Variants in GRIK4 observed in about 807,000 individuals in gnomAD.
The protein encoded by GRIK4 is glutamate ionotropic receptor kainate type subunit 4, also known as glutamate receptor ionotropic, kainate 4.
In GRIK4, 40 loss-of-function variants were observed where a neutral mutation model predicts 104.9. That is an observed-to-expected ratio of 0.38 (90% confidence interval 0.30 to 0.50). The LOEUF (loss-of-function observed/expected upper bound fraction) is 0.50, where lower values mean the gene tolerates loss of function less well. GRIK4 is among the 20% of genes least tolerant of loss of function. GRIK4 has a pLI of 0.93. For synonymous variants in GRIK4, 485 were observed against 524.9 expected (o/e 0.92, Z 1.04); for missense variants, 1,047 against 1,308.1 (o/e 0.80, Z 3.08).
intron 18 of GRIK4, among the ~76,000 whole-genome samples, chr11:120,965,413 G>A (rs961799172): frequency 2.0e-5 from 3 of 152,218 alleles, no homozygotes; most frequent in Admixed American, 6.5e-5. Context: ...CGGCAGATGT[G>A]TAATAAGTAC....
intron 3 of GRIK4, among the ~76,000 whole-genome samples, chr11:120,673,798 G>C (rs949971720): frequency 7.9e-5 from 12 of 152,160 alleles, no homozygotes; most frequent in African/African-American, 2.7e-4. Flanking sequence ...GCTCTTTCCT[G>C]AAACTGCCAT....
In GRIK4 at chr11:120,719,899, C is replaced by T. The variant is rs767075919; in HGVS notation, c.82+59499C>T. Among the ~76,000 whole-genome samples, 83 of 151,480 alleles carry T rather than the reference C, an allele frequency of 5.5e-4. 1 individual carries two copies. The highest frequency in any genetic ancestry group is 3.4e-3 in the Middle Eastern group (1 of 294). On this transcript the variant is annotated intron_variant, in intron 3 of 20. Coordinates refer to ENST00000527524, the MANE Select transcript of GRIK4 (RefSeq NM_014619.5). ...TTAGCTGCTGCTGTTATCCATTTGA[C>T]AGAGAAGCCGAGAAAAGAGGCTGAG...
At chr11:120,784,331 G>GA (rs1457546967) in intron 3 of GRIK4, among the ~76,000 whole-genome samples, 1 of 152,128 alleles carries the variant, frequency 6.6e-6, no homozygotes, top group Non-Finnish European at 1.5e-5. Flanking sequence ...GATCTCCTGG[G>GA]AAAAGAGACA....
chr11:120,639,991 C>A (rs181782552), intron 1 of GRIK4, among the ~76,000 whole-genome samples: 1 of 152,164 alleles, frequency 6.6e-6, no homozygotes, highest in Admixed American at 6.5e-5. Context: ...TCCCTGTCTC[C>A]TGTCCCCTCC....
At chr11:120,886,678 G>T (rs1356839988) in intron 11 of GRIK4, among the ~76,000 whole-genome samples, 2 of 152,168 alleles carry the variant, frequency 1.3e-5, no homozygotes, top group Non-Finnish European at 2.9e-5. Flanking sequence ...ACGAATAATG[G>T]AATCACCTGT....
At chr11:120,714,777 G>A (rs1950798111) in intron 3 of GRIK4, among the ~76,000 whole-genome samples, 1 of 152,160 alleles carries the variant, frequency 6.6e-6, no homozygotes, top group South Asian at 2.1e-4. Flanking sequence ...GATTCTTTTT[G>A]AAATGTAGGG....
At chr11:120,896,523 G>T (rs1313116578) in intron 11 of GRIK4, among the ~76,000 whole-genome samples, 2 of 152,186 alleles carry the variant, frequency 1.3e-5, no homozygotes, top group African/African-American at 4.8e-5. Flanking sequence ...TTTTCCACAG[G>T]AAAGGCCCAA....
intron 1 of GRIK4, among the ~76,000 whole-genome samples, chr11:120,603,273 G>C (rs1037630115): frequency 1.3e-5 from 2 of 152,238 alleles, no homozygotes; most frequent in Non-Finnish European, 2.9e-5. Flanking sequence ...ACACCTGCCA[G>C]GCTACACTTA....
chr11:120,616,711 C>G (rs957368970), intron 1 of GRIK4, among the ~76,000 whole-genome samples: 1 of 152,222 alleles, frequency 6.6e-6, no homozygotes, highest in Non-Finnish European at 1.5e-5. Context: ...GAAACTACGT[C>G]AAGACCTTGA....
chr11:120,589,186 A>G (rs1948706088), intron 1 of GRIK4, among the ~76,000 whole-genome samples: 3 of 152,184 alleles, frequency 2.0e-5, no homozygotes, highest in Admixed American at 2.0e-4. Context: ...AACTTGTAAT[A>G]GGCTCAAGAA....
At chr11:120,647,433 C>G (rs1334759292) in intron 1 of GRIK4, among the ~76,000 whole-genome samples, 1 of 152,176 alleles carries the variant, frequency 6.6e-6, no homozygotes, top group Admixed American at 6.5e-5. Context: ...CTTTTAATGG[C>G]TATTTGTTGC....
intron 1 of GRIK4, chr11:120,575,656 A>C (rs906510056): frequency 6.6e-6 from 1 of 151,720 alleles, no homozygotes; most frequent in Non-Finnish European, 1.5e-5. Flanking sequence ...CTCTTGCCCC[A>C]TTCTCCCTCC....
chr11:120,967,107 G>A lies in GRIK4; in HGVS notation c.2267-88G>A, dbSNP rs1944396613. The A allele has an allele frequency of 1.5e-5, 21 of 1,445,888 alleles. No homozygotes were observed. Among genetic ancestry groups the A allele is most frequent in the Non-Finnish European group, 1.8e-5 (19 of 1,058,860 alleles). The allele number at this position is 1,445,888 out of a possible 1,614,324, so 89.6% of individuals were successfully genotyped here. On this transcript the variant is annotated intron_variant, in intron 18 of 20. Transcript: ENST00000527524. This position sits in a 1 kb window ranked among gnomAD's most constrained non-coding sequence, Gnocchi z 4.2. ...TCTCGAGGTGAAAGCAGGCAGGGTG[G>A]CCAGGAGGTGTGCCGGGAAGGGGAG...
chr11:120,862,003 C>T lies in GRIK4; in HGVS notation c.789C>T (p.Val263=), dbSNP rs1471089968. Residue 263 remains valine, a synonymous_variant, in exon 9 of 21, where the codon GTC becomes GTT. Coordinates refer to ENST00000527524, the MANE Select transcript of GRIK4 (RefSeq NM_014619.5). The stretch of plus-strand genomic sequence containing the variant: ...TGGACAGCCTTGTGGATGATCGTGT[C>T]AACATCCTGGGATTTTCCATTTTCA... ...QRMDSLVDDR[V]NILGFSIFNQ... is the part of the protein sequence containing the mutation. 2.5e-6 allele frequency: 4 copies of T among 1,613,700 alleles called. No individual in the cohort carries two copies. Among genetic ancestry groups the T allele is most frequent in the Non-Finnish European group, 3.4e-6 (4 of 1,179,572 alleles).
At chr11:120,944,714 G>A (rs1943814875) in intron 14 of GRIK4, among the ~76,000 whole-genome samples, 1 of 152,220 alleles carries the variant, frequency 6.6e-6, no homozygotes, top group Non-Finnish European at 1.5e-5. Context: ...AAAGGCCACA[G>A]TCATTATAAG....
intron 18 of GRIK4, among the ~76,000 whole-genome samples, chr11:120,965,528 T>C (rs1944369523): frequency 6.6e-6 from 1 of 152,114 alleles, no homozygotes; most frequent in African/African-American, 2.4e-5. Context: ...GTGTAATAAG[T>C]ACTTACTCTA....
chr11:120,657,812 GA>G (rs1451973828), intron 2 of GRIK4, among the ~76,000 whole-genome samples: 5 of 152,200 alleles, frequency 3.3e-5, no homozygotes, highest in Admixed American at 3.3e-4. Context: ...GAGTGTCCCT[GA>G]ACAAGATTTT....
At chr11:120,837,279 C>T (rs972793950) in intron 8 of GRIK4, among the ~76,000 whole-genome samples, 3 of 152,178 alleles carry the variant, frequency 2.0e-5, no homozygotes, top group Admixed American at 6.5e-5. Context: ...ATGAACAGTC[C>T]TTTCCAGGGG....
At chr11:120,649,105 A>G (rs1949581940) in intron 1 of GRIK4, among the ~76,000 whole-genome samples, 2 of 152,166 alleles carry the variant, frequency 1.3e-5, no homozygotes, top group Non-Finnish European at 2.9e-5. Context: ...CCGAGAGACT[A>G]TTCTGAGCTT....
Sources: gnomAD v4.1 joint callset for allele counts (sites outside exome capture counted in the v4.1 genomes callset) on GRCh38, gnomAD v4.1.1 for gene constraint, Gnocchi (gnomAD v3.1) non-coding constraint, MANE v1.5 for transcripts, NCBI Gene and HGNC (gene_info 2026-07-23, HGNC 2026-07-21) for gene names.